ADGRB3: variants seen among roughly 807,000 people sequenced by gnomAD.
ADGRB3 encodes the protein adhesion G protein-coupled receptor B3.
A neutral mutation model predicts 193.4 loss-of-function variants in ADGRB3; 37 were observed. The ratio of observed to expected loss-of-function variants is 0.19; its 90% CI spans 0.15 to 0.25. The LOEUF is 0.25. Ranked by LOEUF, ADGRB3 falls within the 10% of genes least tolerant of loss-of-function variation. ADGRB3 has a pLI of 1.00. For synonymous variants in ADGRB3, 690 were observed against 644.2 expected, an observed-to-expected ratio of 1.07 and a Z score of -1.08; for missense variants, 1,637 against 1,852.9, an observed-to-expected ratio of 0.88 and a Z score of 2.14.
chr6:68,898,033 C>CAG (rs201425352), intron 3 of ADGRB3, among the ~76,000 whole-genome samples: 1,556 of 148,042 alleles, frequency 0.011, 26 homozygotes, highest in African/African-American at 0.036. Flanking sequence ...GAGGGAGAGA[C>CAG]AGAGAGAGAG....
At chr6:68,935,770 C>G (rs1767471029) in intron 4 of ADGRB3, among the ~76,000 whole-genome samples, 1 of 151,868 alleles carries the variant, frequency 6.6e-6, no homozygotes, top group African/African-American at 2.4e-5. Context: ...GATGCTAACT[C>G]CAAGAAAATT....
intron 3 of ADGRB3, among the ~76,000 whole-genome samples, chr6:68,886,000 G>T (rs1159093511): frequency 6.6e-6 from 1 of 152,000 alleles, no homozygotes; most frequent in Non-Finnish European, 1.5e-5. Flanking sequence ...GACAAGATTG[G>T]GTAATTATTT....
At chr6:69,050,041 T>C (rs1190703144) in intron 15 of ADGRB3, among the ~76,000 whole-genome samples, 1 of 152,180 alleles carries the variant, frequency 6.6e-6, no homozygotes, top group Non-Finnish European at 1.5e-5. Context: ...CCACATCACC[T>C]CGTTTTGGAA....
chr6:69,042,576 C>T (rs959028560), intron 13 of ADGRB3, among the ~76,000 whole-genome samples: 3 of 152,090 alleles, frequency 2.0e-5, no homozygotes, highest in African/African-American at 7.2e-5. Context: ...CAGTTCAGTC[C>T]CTGTGTGCTT....
At chr6:69,142,571 CA>C (rs1774369087) in intron 17 of ADGRB3, among the ~76,000 whole-genome samples, 1 of 152,172 alleles carries the variant, frequency 6.6e-6, no homozygotes, top group Non-Finnish European at 1.5e-5. Flanking sequence ...GTTATAAGGT[CA>C]AGGCCACACA....
intron 20 of ADGRB3, among the ~76,000 whole-genome samples, chr6:69,249,967 T>C (rs2127266298): frequency 6.6e-6 from 1 of 152,310 alleles, no homozygotes; most frequent in African/African-American, 2.4e-5. Context: ...GTGGATTGAA[T>C]CAAAGATTAA....
At chr6:69,143,382 C>T (rs1774393828) in intron 17 of ADGRB3, among the ~76,000 whole-genome samples, 1 of 152,218 alleles carries the variant, frequency 6.6e-6, no homozygotes, top group South Asian at 2.1e-4. Context: ...AGCTTTTTAA[C>T]TTGATGTAAT....
chr6:69,055,644 C>T (rs1771523189), intron 15 of ADGRB3, among the ~76,000 whole-genome samples: 1 of 152,128 alleles, frequency 6.6e-6, no homozygotes. Flanking sequence ...TTCTTTTGGA[C>T]ATATACTCAG....
chr6:69,202,791 A>G (rs1265048247), intron 17 of ADGRB3, among the ~76,000 whole-genome samples: 1 of 152,164 alleles, frequency 6.6e-6, no homozygotes, highest in East Asian at 1.9e-4. Context: ...GGCAGCTACC[A>G]GAAATAAGTA....
At chr6:69,336,141 T>A (rs1470974010) in intron 24 of ADGRB3, among the ~76,000 whole-genome samples, 2 of 152,032 alleles carry the variant, frequency 1.3e-5, no homozygotes, top group African/African-American at 4.8e-5. Flanking sequence ...GTACAGATTA[T>A]TTTATACTCA....
At chr6:69,339,160 A>G in intron 25 of ADGRB3, 146 bp downstream of exon 25, 1 of 1,070,420 alleles carries the variant, frequency 9.3e-7, no homozygotes, top group Non-Finnish European at 1.4e-6. Flanking sequence ...CTTTATAGCT[A>G]TTGTGGGATA....
chr6:68,868,667 T>G (rs1222578180), intron 3 of ADGRB3, among the ~76,000 whole-genome samples: 1 of 152,226 alleles, frequency 6.6e-6, no homozygotes, highest in Admixed American at 6.5e-5. Context: ...TTTATAGATT[T>G]TATTTTGGGA....
intron 17 of ADGRB3, 38 bp downstream of exon 17, chr6:69,076,076 A>G (rs758281058): frequency 6.3e-7 from 1 of 1,588,308 alleles, no homozygotes; most frequent in Non-Finnish European, 8.6e-7. Flanking sequence ...CTTTGGGCTA[A>G]ATTTTCAAAG....
At chr6:69,041,272 A>G (rs1771060363) in intron 13 of ADGRB3, among the ~76,000 whole-genome samples, 1 of 151,752 alleles carries the variant, frequency 6.6e-6, no homozygotes, top group Non-Finnish European at 1.5e-5. Context: ...TGTTTCTTAT[A>G]GATCACTGTT....
At chr6:69,386,587 C>T (rs1770076834) in intron 31 of ADGRB3, among the ~76,000 whole-genome samples, 1 of 152,070 alleles carries the variant, frequency 6.6e-6, no homozygotes, top group South Asian at 2.1e-4. Flanking sequence ...ATTCAGAATC[C>T]CTTATGATCT....
At chr6:68,795,192 T>C (rs1472746685) in intron 3 of ADGRB3, among the ~76,000 whole-genome samples, 1 of 152,030 alleles carries the variant, frequency 6.6e-6, no homozygotes, top group East Asian at 1.9e-4. Flanking sequence ...TGGCATTTCA[T>C]GTATATGTCA....
rs529461133 is a variant in ADGRB3 at position 68,714,462 on chromosome 6, C to G, written c.757+75030C>G. Among the ~76,000 whole-genome samples, 54 of 151,606 alleles carry G rather than the reference C, an allele frequency of 3.6e-4. No individual in the cohort carries two copies. The Middle Eastern group carries it at 0.01, about 29-fold the overall frequency. On this transcript the variant is annotated intron_variant, in intron 3 of 31. Transcript: ENST00000370598. ...TCATCTATTTATTTTGCCTAATAGC[C>G]GATCTGGAAAATAATGATGAAAAAT... is the stretch of plus-strand genomic sequence containing the variant.
At chr6:69,001,984 A>G (rs907809181) in intron 11 of ADGRB3, among the ~76,000 whole-genome samples, 1 of 152,228 alleles carries the variant, frequency 6.6e-6, no homozygotes, top group South Asian at 2.1e-4. Flanking sequence ...AAAATTAATC[A>G]TGACCTTGAA....
intron 20 of ADGRB3, among the ~76,000 whole-genome samples, chr6:69,287,970 T>G: frequency 6.6e-6 from 1 of 152,218 alleles, no homozygotes; most frequent in East Asian, 1.9e-4. Context: ...TATGGATATT[T>G]GAATTCTCAT....
Sources: gnomAD v4.1 joint callset for allele counts (sites outside exome capture counted in the v4.1 genomes callset) on GRCh38, gnomAD v4.1.1 for gene constraint, MANE v1.5 for transcripts, NCBI Gene and HGNC (gene_info 2026-07-23, HGNC 2026-07-21) for gene names.